Variants in FUNDC2 observed in about 807,000 individuals in gnomAD.
The protein encoded by FUNDC2 is FUN14 domain containing 2.
Under a neutral mutation model 15.6 loss-of-function variants are expected in FUNDC2, and 4 were observed. That is an observed-to-expected ratio of 0.26 (90% CI 0.13 to 0.59). The LOEUF (loss-of-function observed/expected upper bound fraction) is 0.59, where lower values mean the gene tolerates loss of function less well. Among genes scored for constraint, FUNDC2 ranks in the 20% least tolerant of loss-of-function variants. FUNDC2 has a pLI of 0.90. For missense variants in FUNDC2, 98 were observed against 149.7 expected (o/e 0.65, Z 1.80); for synonymous variants, 44 against 56.9 (o/e 0.77, Z 1.02).
chrX:155,053,030 G>A (rs149888584), intron 4 of FUNDC2, among the ~76,000 whole-genome samples: 3 of 111,305 alleles, frequency 2.7e-5, no homozygotes, highest in East Asian at 2.8e-4. Flanking sequence ...CACCACACCC[G>A]GTGAAGTTTT....
intron 2 of FUNDC2, among the ~76,000 whole-genome samples, chrX:155,044,095 G>A (rs782127370): frequency 8.9e-6 from 1 of 112,040 alleles, no homozygotes; most frequent in East Asian, 2.8e-4. Context: ...AGCCCATATG[G>A]TAAATATTGT....
Position 155,057,028 on chromosome X carries a change from GGTTGGCCTCATCCTGCTAGTATGAGAAC to G in FUNDC2, c.*2358_*2385del, listed in dbSNP as rs1342722103. On this transcript the variant is annotated 3_prime_UTR_variant, in exon 5 of 5. Transcript: ENST00000369498. ...GGTCATGGTTGAGGTCAGTATTGCA[GGTTGGCCTCATCCTGCTAGTATGAGAAC>G]GGCTGTGAGTTCTGCCCACGGTGTG... The G allele has an allele frequency of 9.9e-6, 1 of 100,824 alleles. No homozygotes were observed. The highest frequency in any genetic ancestry group is 2.1e-5 in the Non-Finnish European group (1 of 48,250). The allele number at this position is 100,824 out of a possible 1,213,427, so 8.3% of individuals were successfully genotyped here. A position where few individuals can be genotyped will look rare whatever the true frequency, so the allele number is the denominator to read the frequency against.
At chrX:155,032,531 C>T (rs1557288849) in intron 1 of FUNDC2, among the ~76,000 whole-genome samples, 1 of 110,448 alleles carries the variant, frequency 9.1e-6, no homozygotes, top group East Asian at 2.8e-4. Flanking sequence ...CTGCCTCCGG[C>T]CTCCCAAAGT....
chrX:155,057,401 A>C lies in FUNDC2; in HGVS notation c.*2729A>C, dbSNP rs2073910373. On this transcript the variant is annotated 3_prime_UTR_variant, in exon 5 of 5. Coordinates refer to ENST00000369498, the MANE Select transcript of FUNDC2 (RefSeq NM_023934.4). ...TAGCTAGGCACGTATTTTCTCCAGT[A>C]GCAGAGTCCAATGACGCTCTGGACT... is the stretch of plus-strand genomic sequence containing the variant. 9.0e-6 allele frequency: 1 copy of C among 111,501 alleles called. No individual in the cohort carries two copies. Among genetic ancestry groups the C allele is most frequent in the Non-Finnish European group, 1.9e-5 (1 of 52,594 alleles). The allele number at this position is 111,501 out of a possible 1,213,427, so 9.2% of individuals were successfully genotyped here.
Position 155,054,916 on chromosome X carries a change from G to C in FUNDC2, c.*244G>C. On this transcript the variant is annotated 3_prime_UTR_variant, in exon 5 of 5. Coordinates refer to ENST00000369498, the MANE Select transcript of FUNDC2 (RefSeq NM_023934.4). ...ACACCCCCTACTTGGCCAGTCTGTAGGCCAACAAGAAGGTTCCTTTACCCC... is the reference window on the plus strand; with the variant it reads ...ACACCCCCTACTTGGCCAGTCTGTACGCCAACAAGAAGGTTCCTTTACCCC... The C allele has an allele frequency of 2.6e-6, 1 of 383,695 alleles. No homozygotes were observed. The highest frequency in any genetic ancestry group is 3.9e-5 in the East Asian group (1 of 25,468). The allele number at this position is 383,695 out of a possible 1,213,427, so 31.6% of individuals were successfully genotyped here.
chrX:155,040,298 C>T (rs2073843032), intron 2 of FUNDC2, among the ~76,000 whole-genome samples: 1 of 111,853 alleles, frequency 8.9e-6, no homozygotes, highest in Admixed American at 9.5e-5. Context: ...TTTATCACCT[C>T]CAAATAAAAC....
chrX:155,050,345 C>G (rs2073876077), intron 3 of FUNDC2: 2 of 111,931 alleles, frequency 1.8e-5, no homozygotes, highest in African/African-American at 6.5e-5. Context: ...CCAGGCGATA[C>G]TGCAGGAAAA....
At chrX:155,041,902 A>G (rs1774830656) in intron 2 of FUNDC2, among the ~76,000 whole-genome samples, 1 of 107,287 alleles carries the variant, frequency 9.3e-6, no homozygotes, top group Admixed American at 1.0e-4. Context: ...CCCCGTCTCT[A>G]CTAAAAAATA....
At chrX:155,052,323 A>C in intron 4 of FUNDC2, among the ~76,000 whole-genome samples, 1 of 112,420 alleles carries the variant, frequency 8.9e-6, no homozygotes, top group Middle Eastern at 4.6e-3. Flanking sequence ...CTAACCCCTG[A>C]TCTTGTTCAT....
intron 2 of FUNDC2, among the ~76,000 whole-genome samples, chrX:155,042,930 A>G (rs1466472274): frequency 4.5e-5 from 5 of 111,198 alleles, no homozygotes; most frequent in Admixed American, 3.8e-4. Context: ...TTTTATTTCT[A>G]TAAGTTTGAT....
intron 2 of FUNDC2, among the ~76,000 whole-genome samples, chrX:155,042,506 A>C (rs935852422): frequency 9.0e-6 from 1 of 110,942 alleles, no homozygotes; most frequent in Non-Finnish European, 1.9e-5. Flanking sequence ...TCTTTTGCTT[A>C]GATTTCATTG....
chrX:155,043,984 T>C (rs1223103644), intron 2 of FUNDC2, among the ~76,000 whole-genome samples: 2 of 112,328 alleles, frequency 1.8e-5, no homozygotes, highest in Non-Finnish European at 3.8e-5. Context: ...AGGCTTTAAC[T>C]TTCTCTCTTA....
chrX:155,030,471 T>G (rs782297868), intron 1 of FUNDC2, among the ~76,000 whole-genome samples: 1 of 109,724 alleles, frequency 9.1e-6, no homozygotes, highest in East Asian at 2.8e-4. Context: ...AGCCCAGAAG[T>G]TTGAAGTTGC....
intron 1 of FUNDC2, among the ~76,000 whole-genome samples, chrX:155,030,367 CA>C (rs1275771643): frequency 0.033 from 904 of 27,542 alleles, 17 homozygotes; most frequent in African/African-American, 0.11. Flanking sequence ...CTCCTGTCTA[CA>C]AAAAAAAAAA....
intron 3 of FUNDC2, chrX:155,050,689 CTATGG>C (rs1557290405): frequency 8.9e-6 from 1 of 111,851 alleles, no homozygotes; most frequent in African/African-American, 3.3e-5. Flanking sequence ...AATAAAGGTA[CTATGG>C]CTTGATTACT....
chrX:155,036,358 G>A (rs376418896), intron 2 of FUNDC2, among the ~76,000 whole-genome samples: 35 of 112,418 alleles, frequency 3.1e-4, no homozygotes, highest in East Asian at 2.8e-3. Context: ...TTATTGGGTT[G>A]TTGGTTTTCT....
At chrX:155,048,792 T>C (rs986858484) in intron 3 of FUNDC2, among the ~76,000 whole-genome samples, 3 of 112,559 alleles carry the variant, frequency 2.7e-5, no homozygotes, top group Admixed American at 1.9e-4. Context: ...TATTTTTCCG[T>C]ATAGATCTTG....
chrX:155,058,076 T>G lies in FUNDC2; in HGVS notation c.*3404T>G, dbSNP rs12845059. On this transcript the variant is annotated 3_prime_UTR_variant, in exon 5 of 5. Transcript: ENST00000369498. ...TCCTCCCAAATGGCCGCTTGTTTGT[T>G]GCAATCTCCCGCCACTCAGCCTCCA... 1.8e-5 allele frequency: 2 copies of G among 111,405 alleles called. No individual in the cohort carries two copies. The highest frequency in any genetic ancestry group is 3.3e-5 in the African/African-American group (1 of 30,558). 9.2% of individuals were successfully genotyped at this position (111,405 alleles called of 1,213,427 possible).
In FUNDC2 at chrX:155,055,553, A is replaced by G; in HGVS notation, c.*881A>G. 3.8e-6 allele frequency: 1 copy of G among 262,201 alleles called. No individual in the cohort carries two copies. Among genetic ancestry groups the G allele is most frequent in the Non-Finnish European group, 6.7e-6 (1 of 148,373 alleles). The allele number at this position is 262,201 out of a possible 1,213,427, so 21.6% of individuals were successfully genotyped here. A position where few individuals can be genotyped will look rare whatever the true frequency, so the allele number is the denominator to read the frequency against. On this transcript the variant is annotated 3_prime_UTR_variant, in exon 5 of 5. Coordinates refer to ENST00000369498, the MANE Select transcript of FUNDC2 (RefSeq NM_023934.4). ...GAAAGATAGTGATAGGACATGAGAA[A>G]TAAATTTCCATCAAGTGTAATCTAC...
Sources: allele counts gnomAD v4.1 joint callset (sites outside exome capture counted in the v4.1 genomes callset), GRCh38; gene constraint gnomAD v4.1.1; transcripts MANE v1.5; gene names NCBI Gene and HGNC (gene_info 2026-07-23, HGNC 2026-07-21).